GRIP1: variants seen among roughly 807,000 people sequenced by gnomAD.
The protein encoded by GRIP1 is glutamate receptor interacting protein 1.
GRIP1 carries 45 observed loss-of-function variants against 129.9 expected under a neutral mutation model. The observed-to-expected ratio is 0.35, with a 90% CI of 0.27 to 0.44. The LOEUF (loss-of-function observed/expected upper bound fraction) is 0.44, where lower values mean the gene tolerates loss of function less well. Among genes scored for constraint, GRIP1 ranks in the 20% least tolerant of loss-of-function variants. The pLI, the probability that GRIP1 is intolerant of heterozygous loss-of-function variation, is 1.00. For missense variants in GRIP1, 1,196 were observed against 1,396.8 expected, an observed-to-expected ratio of 0.86 and a Z score of 2.29; for synonymous variants, 530 against 520.8, an observed-to-expected ratio of 1.02 and a Z score of -0.24.
intron 1 of GRIP1, among the ~76,000 whole-genome samples, chr12:66,788,654 T>C (rs1307415085): frequency 6.6e-6 from 1 of 152,108 alleles, no homozygotes. Context: ...AGCTGCTCAG[T>C]GGAGAGGGGC....
chr12:66,804,035 A>G, intron 1 of GRIP1: 2 of 443,542 alleles, frequency 4.5e-6, no homozygotes, highest in Non-Finnish European at 9.1e-6. Context: ...GAACCGGAGG[A>G]TGGAGAGAAG....
chr12:67,040,152 T>C (rs989502161), intron 1 of GRIP1, among the ~76,000 whole-genome samples: 1 of 152,064 alleles, frequency 6.6e-6, no homozygotes. Flanking sequence ...ACTTTCTGGT[T>C]ATTAGCTGAG....
At chr12:67,005,988 T>A (rs1478430308) in intron 1 of GRIP1, among the ~76,000 whole-genome samples, 1 of 152,214 alleles carries the variant, frequency 6.6e-6, no homozygotes, top group African/African-American at 2.4e-5. Context: ...TCCATTGCCC[T>A]GAACTTCCAT....
chr12:66,646,691 T>C (rs758032116), intron 1 of GRIP1, among the ~76,000 whole-genome samples: 34 of 152,190 alleles, frequency 2.2e-4, no homozygotes, highest in Non-Finnish European at 4.4e-4. Context: ...CATTATCACA[T>C]TCTAGTTTTC....
chr12:66,789,758 C>G (rs1435220070), intron 1 of GRIP1, among the ~76,000 whole-genome samples: 1 of 152,086 alleles, frequency 6.6e-6, no homozygotes, highest in Non-Finnish European at 1.5e-5. Context: ...AACTCTCATA[C>G]TTTCATCTTA....
upstream of GRIP1, among the ~76,000 whole-genome samples, chr12:66,681,957 G>A (rs2034600079): frequency 1.3e-5 from 2 of 152,262 alleles, no homozygotes; most frequent in Middle Eastern, 3.4e-3. Flanking sequence ...AATGTATCAT[G>A]GAGCGACTCT....
intron 1 of GRIP1, among the ~76,000 whole-genome samples, chr12:66,849,683 A>T (rs1195822288): frequency 6.6e-6 from 1 of 152,154 alleles, no homozygotes; most frequent in Non-Finnish European, 1.5e-5. Flanking sequence ...TAGCAATGTG[A>T]AGCCCATACT....
chr12:66,711,971 T>C (rs1181078849), intron 1 of GRIP1, among the ~76,000 whole-genome samples: 1 of 151,968 alleles, frequency 6.6e-6, no homozygotes, highest in Non-Finnish European at 1.5e-5. Context: ...CATGCAAAAC[T>C]ACCACATGTG....
chr12:66,598,065 G>A lies in GRIP1; in HGVS notation c.56-1138C>T, dbSNP rs139411691. Among the ~76,000 whole-genome samples, 803 of 152,226 alleles carry A rather than the reference G, an allele frequency of 5.3e-3. 6 individuals carry two copies. Among genetic ancestry groups the A allele is most frequent in the African/African-American group, 0.018 (765 of 41,524 alleles). On this transcript the variant is annotated intron_variant, in intron 1 of 24. Transcript: ENST00000359742. ...TACCATTTTATAATAGCAGGAAATC[G>A]TTAAAGAATTTAAAGAAACCATACT... is the stretch of plus-strand genomic sequence containing the variant.
intron 2 of GRIP1, among the ~76,000 whole-genome samples, chr12:66,543,124 T>A (rs2061837148): frequency 6.6e-6 from 1 of 152,134 alleles, no homozygotes. Context: ...GGAAACAGTA[T>A]CTCAACTGAT....
At chr12:66,470,022 C>T (rs2059393978) in intron 7 of GRIP1, among the ~76,000 whole-genome samples, 1 of 152,126 alleles carries the variant, frequency 6.6e-6, no homozygotes, top group Non-Finnish European at 1.5e-5. Context: ...CTTGATTTTA[C>T]CCCCTAAATA....
intron 23 of GRIP1, among the ~76,000 whole-genome samples, chr12:66,369,147 C>T (rs1565671813): frequency 6.6e-6 from 1 of 152,098 alleles, no homozygotes; most frequent in East Asian, 1.9e-4. Context: ...TGTATTGTCA[C>T]CATTTAGAGA....
At chr12:66,664,382 G>A (rs1161827856) in intron 1 of GRIP1, among the ~76,000 whole-genome samples, 1 of 152,134 alleles carries the variant, frequency 6.6e-6, no homozygotes, top group Non-Finnish European at 1.5e-5. Context: ...CATAATTATA[G>A]TCTCTAACAT....
chr12:66,714,450 C>T (rs2035806044), intron 1 of GRIP1, among the ~76,000 whole-genome samples: 2 of 152,100 alleles, frequency 1.3e-5, no homozygotes, highest in Middle Eastern at 3.4e-3. Flanking sequence ...AAGTCTTTCA[C>T]TTTCTATTCT....
At chr12:66,821,774 A>C (rs1483556875) in intron 1 of GRIP1, among the ~76,000 whole-genome samples, 4 of 152,164 alleles carry the variant, frequency 2.6e-5, no homozygotes, top group Non-Finnish European at 5.9e-5. Context: ...AAAGGAGTGG[A>C]ACTGAATAAG....
At chr12:66,795,524 T>C (rs1228277401) in intron 1 of GRIP1, among the ~76,000 whole-genome samples, 1 of 152,184 alleles carries the variant, frequency 6.6e-6, no homozygotes, top group African/African-American at 2.4e-5. Flanking sequence ...CAGATAATTA[T>C]CAGAAAACAG....
intron 1 of GRIP1, among the ~76,000 whole-genome samples, chr12:66,972,792 C>T (rs1445617462): frequency 7.9e-5 from 12 of 152,180 alleles, no homozygotes; most frequent in Admixed American, 7.9e-4. Flanking sequence ...GCACACTCAG[C>T]TAAGGTCCAA....
At chr12:66,358,010 C>T (rs528274823) in intron 23 of GRIP1, among the ~76,000 whole-genome samples, 36 of 152,200 alleles carry the variant, frequency 2.4e-4, no homozygotes, top group Non-Finnish European at 4.0e-4. Flanking sequence ...TCTCGTGCCT[C>T]GGCCTCCTGA....
At chr12:66,596,698 A>G in intron 2 of GRIP1, 149 bp downstream of exon 2, 1 of 652,918 alleles carries the variant, frequency 1.5e-6, no homozygotes, top group South Asian at 1.8e-5. Context: ...TATTGTTTGA[A>G]CAAGTGTTGT....
Sources: allele counts gnomAD v4.1 joint callset (sites outside exome capture counted in the v4.1 genomes callset), GRCh38; gene constraint gnomAD v4.1.1; transcripts MANE v1.5; gene names NCBI Gene and HGNC (gene_info 2026-07-23, HGNC 2026-07-21).